GRIK4: variants seen among roughly 807,000 people sequenced by gnomAD.
The protein encoded by GRIK4 is glutamate receptor ionotropic, kainate 4.
A neutral mutation model predicts 104.9 loss-of-function variants in GRIK4; 40 were observed. The observed-to-expected ratio is 0.38, with a 90% CI of 0.30 to 0.50. The LOEUF is 0.50. GRIK4 is among the 20% of genes least tolerant of loss of function. GRIK4 has a pLI of 0.93. For synonymous variants in GRIK4, 485 were observed against 524.9 expected, an observed-to-expected ratio of 0.92 and a Z score of 1.04; for missense variants, 1,047 against 1,308.1, an observed-to-expected ratio of 0.80 and a Z score of 3.08.
intron 13 of GRIK4, among the ~76,000 whole-genome samples, chr11:120,908,382 T>A (rs1319392351): frequency 6.6e-6 from 1 of 152,098 alleles, no homozygotes; most frequent in Non-Finnish European, 1.5e-5. Flanking sequence ...ACAGCTCTAG[T>A]GTTCATCTGC....
chr11:120,615,045 G>A (rs1012234781), intron 1 of GRIK4, among the ~76,000 whole-genome samples: 1 of 152,094 alleles, frequency 6.6e-6, no homozygotes, highest in Admixed American at 6.5e-5. Context: ...AACAAAAACC[G>A]TAAGCAAATA....
chr11:120,942,142 C>T (rs1445319462), intron 14 of GRIK4, among the ~76,000 whole-genome samples: 3 of 152,156 alleles, frequency 2.0e-5, no homozygotes, highest in African/African-American at 7.2e-5. Flanking sequence ...CCCTTTTTCT[C>T]ATTTGGTCCT....
intron 1 of GRIK4, among the ~76,000 whole-genome samples, chr11:120,637,499 T>G (rs1336558534): frequency 6.6e-6 from 1 of 152,138 alleles, no homozygotes; most frequent in African/African-American, 2.4e-5. Context: ...TGCTGTAAAT[T>G]TCAGTGCTTT....
chr11:120,619,504 CA>C (rs978495576), intron 1 of GRIK4, among the ~76,000 whole-genome samples: 1 of 152,062 alleles, frequency 6.6e-6, no homozygotes, highest in African/African-American at 2.4e-5. Flanking sequence ...TAAGAGGGGC[CA>C]GGGGTGAAAT....
chr11:120,681,852 C>A (rs1378078684), intron 3 of GRIK4, among the ~76,000 whole-genome samples: 2 of 152,250 alleles, frequency 1.3e-5, no homozygotes, highest in African/African-American at 2.4e-5. Flanking sequence ...TCCCCCTTGA[C>A]AGCAGGGGCA....
chr11:120,821,293 A>G (rs567926037), intron 6 of GRIK4, among the ~76,000 whole-genome samples: 4 of 152,366 alleles, frequency 2.6e-5, no homozygotes, highest in East Asian at 1.9e-4. Flanking sequence ...CAGGGCTTCA[A>G]CTGGATCTCA....
chr11:120,619,690 C>T (rs926774529), intron 1 of GRIK4, among the ~76,000 whole-genome samples: 7 of 152,096 alleles, frequency 4.6e-5, no homozygotes, highest in African/African-American at 1.7e-4. Context: ...AAGTGTGTGG[C>T]ACCTCCCCTA....
chr11:120,773,604 TAGG>T (rs1220483372), intron 3 of GRIK4, among the ~76,000 whole-genome samples: 1 of 152,136 alleles, frequency 6.6e-6, no homozygotes, highest in African/African-American at 2.4e-5. Flanking sequence ...CAAGGAAAGA[TAGG>T]AGGCAAAACC....
intron 1 of GRIK4, among the ~76,000 whole-genome samples, chr11:120,596,994 A>C (rs1436624215): frequency 6.6e-6 from 1 of 152,076 alleles, no homozygotes; most frequent in Non-Finnish European, 1.5e-5. Context: ...CAAAGTGCTG[A>C]GATTACAGGT....
At chr11:120,526,327 A>G (rs1947855859) in intron 1 of GRIK4, among the ~76,000 whole-genome samples, 2 of 152,034 alleles carry the variant, frequency 1.3e-5, no homozygotes, top group Non-Finnish European at 2.9e-5. Context: ...TCACCCCAGT[A>G]GCTGAGTCTA....
At chr11:120,833,316 A>G (rs1486921677) in intron 7 of GRIK4, among the ~76,000 whole-genome samples, 1 of 151,932 alleles carries the variant, frequency 6.6e-6, no homozygotes, top group Non-Finnish European at 1.5e-5. Flanking sequence ...ACACACACGG[A>G]AACACAATAT....
At chr11:120,633,805 G>A (rs1048568648) in intron 1 of GRIK4, among the ~76,000 whole-genome samples, 2 of 152,186 alleles carry the variant, frequency 1.3e-5, no homozygotes, top group Non-Finnish European at 2.9e-5. Flanking sequence ...AGCATAGGCA[G>A]AAGGGAAGTG....
intron 1 of GRIK4, among the ~76,000 whole-genome samples, chr11:120,514,617 C>T (rs1306894680): frequency 2.0e-5 from 3 of 152,126 alleles, no homozygotes; most frequent in Admixed American, 2.0e-4. Flanking sequence ...AGTCTTTGCT[C>T]TGTAGTCTCC....
intron 1 of GRIK4, among the ~76,000 whole-genome samples, chr11:120,523,887 C>T (rs527505451): frequency 6.6e-5 from 10 of 150,830 alleles, no homozygotes; most frequent in African/African-American, 2.2e-4. Context: ...CCCCACAAGG[C>T]ACGGGTTCCA....
chr11:120,902,384 C>G lies in GRIK4; in HGVS notation c.1273-2906C>G, dbSNP rs543911991. Among the ~76,000 whole-genome samples the G allele has an allele frequency of 6.6e-6, 1 of 152,304 alleles. No individual in the cohort carries two copies. The highest frequency in any genetic ancestry group is 1.9e-4 in the East Asian group (1 of 5,184). On this transcript the variant is annotated intron_variant, in intron 12 of 20. Transcript: ENST00000527524. This position sits in a 1 kb window ranked among gnomAD's most constrained non-coding sequence, Gnocchi z 4.5. ...CCCATCCTTGGGCTTTCCAACGCGT[C>G]TCCAAGACCGGCCTTGTGTCTGTTC...
At chr11:120,809,457 G>A (rs915466133) in intron 4 of GRIK4, among the ~76,000 whole-genome samples, 14 of 152,162 alleles carry the variant, frequency 9.2e-5, no homozygotes, top group East Asian at 5.8e-4. Context: ...TCTCTACTGA[G>A]CAGGGCACCC....
chr11:120,521,916 T>G (rs1293716455), intron 1 of GRIK4, among the ~76,000 whole-genome samples: 2 of 152,234 alleles, frequency 1.3e-5, no homozygotes, highest in Non-Finnish European at 2.9e-5. Flanking sequence ...CATTTTCCCC[T>G]TCTTCTGAAA....
chr11:120,961,148 T>A, intron 17 of GRIK4, 74 bp downstream of exon 17: 7 of 1,319,062 alleles, frequency 5.3e-6, no homozygotes, highest in Non-Finnish European at 7.6e-6. Context: ...CTGCTGGAGA[T>A]AAAAACATCT....
At chr11:120,553,978 A>C (rs1948164088) in intron 1 of GRIK4, among the ~76,000 whole-genome samples, 1 of 152,076 alleles carries the variant, frequency 6.6e-6, no homozygotes, top group Non-Finnish European at 1.5e-5. Flanking sequence ...CAAAACAGAG[A>C]AGCCACTTTG....
Sources: allele counts gnomAD v4.1 joint callset (sites outside exome capture counted in the v4.1 genomes callset), GRCh38; gene constraint gnomAD v4.1.1; non-coding constraint Gnocchi (gnomAD v3.1); transcripts MANE v1.5; gene names NCBI Gene and HGNC (gene_info 2026-07-23, HGNC 2026-07-21).